Variants in FGF14 observed in about 807,000 individuals in gnomAD.
FGF14 encodes the protein fibroblast growth factor homologous factor 4.
In FGF14, 5 loss-of-function variants were observed where a neutral mutation model predicts 25.5. That is an observed-to-expected ratio of 0.20 (90% CI 0.10 to 0.41). FGF14 has a LOEUF of 0.41. Among genes scored for constraint, FGF14 ranks in the 10% least tolerant of loss-of-function variants. The pLI is 1.00. For synonymous variants in FGF14, 138 were observed against 118.3 expected, an observed-to-expected ratio of 1.17 and a Z score of -1.08; for missense variants, 222 against 320.1, an observed-to-expected ratio of 0.69 and a Z score of 2.34.
chr13:101,737,248 G>A (rs115873373), intron 3 of FGF14, among the ~76,000 whole-genome samples: 203 of 151,954 alleles, frequency 1.3e-3, no homozygotes, highest in African/African-American at 4.8e-3. Context: ...TAGTAATAAC[G>A]GTTTTAATGG....
At chr13:101,786,042 C>T (rs1487179284) in intron 3 of FGF14, among the ~76,000 whole-genome samples, 3 of 152,156 alleles carry the variant, frequency 2.0e-5, no homozygotes, top group Non-Finnish European at 4.4e-5. Flanking sequence ...GCTGATAGAA[C>T]CAGCCACTGG....
At chr13:102,341,657 C>T (rs1425147746) in intron 1 of FGF14, among the ~76,000 whole-genome samples, 1 of 152,128 alleles carries the variant, frequency 6.6e-6, no homozygotes, top group Admixed American at 6.6e-5. Flanking sequence ...CAAGACACGG[C>T]ATTTTTCAAG....
chr13:102,361,871 A>C (rs993939453), intron 1 of FGF14, among the ~76,000 whole-genome samples: 4 of 151,728 alleles, frequency 2.6e-5, no homozygotes, highest in African/African-American at 9.7e-5. Flanking sequence ...TTTTTTTTTT[A>C]ATCTCTCAAA....
In FGF14 at chr13:101,817,887, A is replaced by G. The variant is rs1254116112; in HGVS notation, c.408+50838T>C. On this transcript the variant is annotated intron_variant, in intron 3 of 4. Coordinates refer to ENST00000376143, the MANE Select transcript of FGF14 (RefSeq NM_004115.4). ...GTCAAGTATGGTTCTGATGATGAAA[A>G]CAAGAGAAAAATAGAGATTGTAAAA... Among the ~76,000 whole-genome samples, 3 of 152,222 alleles carry G rather than the reference A, an allele frequency of 2.0e-5. No individual in the cohort carries two copies. In the East Asian group the frequency reaches 5.8e-4, roughly 29 times the overall value.
intron 3 of FGF14, among the ~76,000 whole-genome samples, chr13:101,863,209 G>A (rs2044516204): frequency 6.6e-6 from 1 of 152,096 alleles, no homozygotes; most frequent in South Asian, 2.1e-4. Flanking sequence ...GAGAGATGAA[G>A]AATAAAAGAT....
At chr13:101,865,808 T>C (rs909142165) in intron 3 of FGF14, among the ~76,000 whole-genome samples, 3 of 152,236 alleles carry the variant, frequency 2.0e-5, no homozygotes, top group Non-Finnish European at 2.9e-5. Flanking sequence ...TCTAAACCTA[T>C]GGATCTTCAA....
At chr13:102,326,700 A>AAGGT (rs2056449741) in intron 1 of FGF14, among the ~76,000 whole-genome samples, 1 of 48,586 alleles carries the variant, frequency 2.1e-5, no homozygotes, top group African/African-American at 1.4e-4. Flanking sequence ...GAAGGGAAGG[A>AAGGT]AGGAAGGAAG....
chr13:101,965,342 C>T (rs975897867), intron 1 of FGF14, among the ~76,000 whole-genome samples: 4 of 151,938 alleles, frequency 2.6e-5, no homozygotes, highest in Non-Finnish European at 5.9e-5. Context: ...GCACAAAGAT[C>T]TCCATGAGTC....
At chr13:101,822,523 G>T in intron 3 of FGF14, among the ~76,000 whole-genome samples, 1 of 149,656 alleles carries the variant, frequency 6.7e-6, no homozygotes, top group Non-Finnish European at 1.5e-5. Flanking sequence ...CTGGGATTCT[G>T]ACATGGATCC....
intron 3 of FGF14, among the ~76,000 whole-genome samples, chr13:101,778,686 G>T (rs1571358): frequency 0.39 from 59,532 of 151,814 alleles, 12,297 homozygotes; most frequent in East Asian, 0.75. Flanking sequence ...ACCTCTCCCC[G>T]TTTCTAAAAA....
At chr13:101,904,315 T>A (rs1477790693) in intron 1 of FGF14, among the ~76,000 whole-genome samples, 1 of 152,046 alleles carries the variant, frequency 6.6e-6, no homozygotes, top group African/African-American at 2.4e-5. Context: ...GATGGAAATG[T>A]GTGAGACAAA....
At chr13:101,951,624 T>C (rs2036173371) in intron 1 of FGF14, among the ~76,000 whole-genome samples, 1 of 152,214 alleles carries the variant, frequency 6.6e-6, no homozygotes, top group African/African-American at 2.4e-5. Flanking sequence ...TGTTTATGAC[T>C]ACTTGAGCTT....
intron 1 of FGF14, among the ~76,000 whole-genome samples, chr13:101,878,942 T>C (rs2493569): frequency 0.56 from 73,420 of 131,570 alleles, 18,169 homozygotes; most frequent in African/African-American, 0.65. Flanking sequence ...ACGTTAAATA[T>C]AAGGCCTACA....
chr13:102,339,581 CA>C (rs1198473337), intron 1 of FGF14, among the ~76,000 whole-genome samples: 25 of 152,120 alleles, frequency 1.6e-4, no homozygotes, highest in African/African-American at 6.0e-4. Flanking sequence ...TAAGTGGCAT[CA>C]TAGTTCTCAA....
At chr13:102,124,558 A>G (rs2045872106) in intron 1 of FGF14, among the ~76,000 whole-genome samples, 1 of 152,106 alleles carries the variant, frequency 6.6e-6, no homozygotes, top group Non-Finnish European at 1.5e-5. Context: ...AAGTCATCAA[A>G]TGTCTTTTAC....
chr13:101,889,387 T>C (rs1029722005), intron 1 of FGF14, among the ~76,000 whole-genome samples: 1 of 152,172 alleles, frequency 6.6e-6, no homozygotes, highest in African/African-American at 2.4e-5. Flanking sequence ...ACTAAAGTAT[T>C]TGAAGAAAGG....
intron 1 of FGF14, chr13:102,292,550 A>T (rs558452736): frequency 6.6e-6 from 1 of 152,300 alleles, no homozygotes; most frequent in East Asian, 1.9e-4. Context: ...CCAAGTGCTT[A>T]ATAAGTATGA....
Position 102,380,163 on chromosome 13 carries a change from TCATGGAACTGACATTC to T in FGF14, c.208+21292_208+21307del, listed in dbSNP as rs1278814957. Among the ~76,000 whole-genome samples the T allele has an allele frequency of 6.6e-5, 10 of 151,078 alleles. No individual in the cohort carries two copies. In the South Asian group the frequency reaches 1.7e-3, roughly 25 times the overall value. ...ATACAAAGGAAGTAAACATAGAATG[TCATGGAACTGACATTC>T]CATGGAACTGACATTACATGGAATG... On this transcript the variant is annotated intron_variant, in intron 1 of 4. Coordinates refer to the FGF14 transcript ENST00000376131.
chr13:101,918,213 C>CG (rs1193160638), upstream of FGF14, among the ~76,000 whole-genome samples: 9 of 152,160 alleles, frequency 5.9e-5, no homozygotes, highest in East Asian at 1.9e-4. Flanking sequence ...AACAAAAAGC[C>CG]GGGGGGAGGT....
Sources: gnomAD v4.1 joint callset for allele counts (sites outside exome capture counted in the v4.1 genomes callset) on GRCh38, gnomAD v4.1.1 for gene constraint, MANE v1.5 for transcripts, NCBI Gene and HGNC (gene_info 2026-07-23, HGNC 2026-07-21) for gene names.